Variants in MUC6 observed in about 807,000 individuals in gnomAD.
MUC6 encodes the protein mucin 6, oligomeric mucus/gel-forming (gene/pseudogene), also known as mucin-6.
A neutral mutation model predicts 201.5 loss-of-function variants in MUC6; 188 were observed. The ratio of observed to expected loss-of-function variants is 0.93; its 90% confidence interval spans 0.83 to 1.05. MUC6 has a LOEUF of 1.05. MUC6 is among the 50% of genes least tolerant of loss of function. The pLI is 0.00. For missense variants in MUC6, 2,706 were observed against 3,256.9 expected, an observed-to-expected ratio of 0.83 and a Z score of 4.12; for synonymous variants, 1,228 against 1,389.4, an observed-to-expected ratio of 0.88 and a Z score of 2.58.
chr11:1,035,935 G>C (rs558365202), intron 1 of MUC6, among the ~76,000 whole-genome samples: 19 of 152,270 alleles, frequency 1.2e-4, no homozygotes, highest in African/African-American at 4.3e-4. Context: ...CCTTCTGGGG[G>C]CCTGGGGAGG....
rs748222224 is a variant in MUC6 at position 1,016,874 on chromosome 11, C to T, written c.5927G>A (p.Ser1976Asn). ...FTTHSPPTGS[S>N]PFSSTGPMTA... ...CATAGGACCTGTGGAAGAGAAGGGA[C>T]TGCTCCCTGTAGGTGGGGAGTGTGT... is the stretch of plus-strand genomic sequence containing the variant. The change falls in exon 31 of 33, where the codon AGT (serine) becomes AAT (asparagine). Residue 1976 changes from serine to asparagine, a missense_variant. Around this residue, in one of 10 missense-constraint regions of MUC6, gnomAD observed 20 missense variants for 128.3 expected, o/e 0.16. Transcript: ENST00000421673. 1 of 1,614,072 alleles carries T rather than the reference C, an allele frequency of 6.2e-7. No homozygotes were observed.
intron 7 of MUC6, 35 bp from the exon 8 acceptor site, chr11:1,030,370 A>ACCCCCCCCCCCCCCCCCCCCCCCCCCCC: frequency 1.0e-6 from 1 of 992,832 alleles, no homozygotes; most frequent in South Asian, 1.8e-5. Flanking sequence ...AGAGGGTCCC[A>ACCCCCCCCCCCCCCCCCCCCCCCCCCCC]CCCCCCCCAC....
chr11:1,030,815 C>T, intron 6 of MUC6, 35 bp from the exon 7 acceptor site: 1 of 1,530,366 alleles, frequency 6.5e-7, no homozygotes, highest in Non-Finnish European at 8.8e-7. Flanking sequence ...GGGGCAAAGG[C>T]CACACCCCAT....
intron 31 of MUC6, 54 bp from the exon 32 acceptor site, chr11:1,014,055 G>T (rs751174703): frequency 4.7e-6 from 7 of 1,482,154 alleles, no homozygotes; most frequent in Non-Finnish European, 6.4e-6. Flanking sequence ...GAGCGAGGAG[G>T]GAGGGAAACC....
rs778465385 is a variant in MUC6 at position 1,017,665 on chromosome 11, G to C, written c.5136C>G (p.Thr1712=). The C allele has an allele frequency of 6.6e-7, 1 of 1,512,140 alleles. No homozygotes were observed. The highest frequency in any genetic ancestry group is 8.9e-7 in the Non-Finnish European group (1 of 1,123,188). The allele number at this position is 1,512,140 out of a possible 1,614,324, so 93.7% of individuals were successfully genotyped here. ...HHAEATSTST[T]NITPNPTSTG... ...TACTGGTGGGGTTGGGGGTGATGTT[G>C]GTGGTAGAAGTTGAGGTGGCTTCAG... Residue 1712 remains threonine, a synonymous_variant, in exon 31 of 33, where the codon ACC becomes ACG. Transcript: ENST00000421673.
rs764106113 is a variant in MUC6, at chr11:1,016,236, T to C, written c.6565A>G (p.Thr2189Ala). The change falls in exon 31 of 33, where the codon ACT becomes GCT. Residue 2189 changes from threonine (T) to alanine (A), a missense_variant. By Grantham distance (58) the Thr-to-Ala change is moderately conservative (BLOSUM62 0). Around this residue, in one of 10 missense-constraint regions of MUC6, gnomAD observed 586 missense variants for 488.0 expected, o/e 1.20. Transcript: ENST00000421673. ...AGAGGAGATGCAGACACTGATGCAG[T>C]CGTGGGATGAGTGGACAATGAGGAG... is the stretch of plus-strand genomic sequence containing the variant. ...SHSSLSTHPT[T>A]ASVSASPLFP... 6 of 1,613,018 alleles carry C rather than the reference T, an allele frequency of 3.7e-6. No homozygotes were observed. The highest frequency in any genetic ancestry group is 5.1e-6 in the Non-Finnish European group (6 of 1,179,694).
At position 1,030,343 on chromosome 11, in the gene MUC6, C is replaced by G. The variant is rs1166198706; in HGVS notation, c.893-8G>C. ...CCGGGCACTGACCCACGGCTGTGGG[C>G]ACACGCGGCTCCGGTGAGAGGGTCC... On this transcript the variant is annotated splice_polypyrimidine_tract_variant and splice_region_variant and intron_variant, in intron 7 of 32. Transcript: ENST00000421673. 6.5e-7 allele frequency: 1 copy of G among 1,547,078 alleles called. No individual in the cohort carries two copies. Among genetic ancestry groups the G allele is most frequent in the Non-Finnish European group, 8.7e-7 (1 of 1,146,384 alleles).
chr11:1,035,088 C>T (rs1857188403), intron 1 of MUC6, among the ~76,000 whole-genome samples: 1 of 152,072 alleles, frequency 6.6e-6, no homozygotes, highest in Non-Finnish European at 1.5e-5. Flanking sequence ...GCACGCTTGG[C>T]GGCCGCCCAC....
rs1278606443 is a variant in MUC6 at position 1,013,500 on chromosome 11, C to T, written c.7276G>A (p.Val2426Met). 13 of 1,583,998 alleles carry T rather than the reference C, an allele frequency of 8.2e-6. No individual in the cohort carries two copies. Among genetic ancestry groups the T allele is most frequent in the Non-Finnish European group, 1.1e-5 (13 of 1,166,744 alleles). ...GAGCTGCACACGCAGTGGCTGAACA[C>T]CTGCAGGGTGAGTACGAGCCGCCGG... ...PGRRLVLTLQ[V>M]FSHCVCSSVA... Residue 2426 changes from valine to methionine, a missense_variant, in exon 33 of 33, where the codon GTG becomes ATG. Around this residue, in one of 10 missense-constraint regions of MUC6, gnomAD observed 586 missense variants for 488.0 expected, o/e 1.20. Transcript: ENST00000421673.
At chr11:1,036,091 C>T (rs1051584023) in intron 1 of MUC6, among the ~76,000 whole-genome samples, 15 of 152,082 alleles carry the variant, frequency 9.9e-5, no homozygotes, top group East Asian at 5.8e-4. Flanking sequence ...CCAGGATGGC[C>T]GTACACCTTC....
chr11:1,028,852 A>C (rs1455327867), intron 12 of MUC6, 37 bp downstream of exon 12: 1 of 1,610,382 alleles, frequency 6.2e-7, no homozygotes, highest in Non-Finnish European at 8.5e-7. Flanking sequence ...CCCCGAAGGC[A>C]CAACTCTGGG....
rs756760623 is a variant in MUC6, at chr11:1,025,772, TC to T, written c.2799+32del. 145 of 1,577,030 alleles carry T rather than the reference TC, an allele frequency of 9.2e-5. 1 individual carries two copies. The highest frequency in any genetic ancestry group is 3.1e-4 in the Admixed American group (18 of 57,606). On this transcript the variant is annotated intron_variant, in intron 22 of 32. Coordinates refer to ENST00000421673, the MANE Select transcript of MUC6 (RefSeq NM_005961.3). ...GTGTGGCAGGGCCCCCTACCGCCCG[TC>T]CTGCCCTGCCAGAGTCTGCCCGGCT...
chr11:1,025,850 C>G lies in MUC6; in HGVS notation c.2754G>C (p.Gly918=), dbSNP rs747391503. ...FKILTENVIC[G]NSGVTCSRAI... is the part of the protein sequence containing the mutation. ...CCCGTGAGCATGTGACCCCGGAGTTCCCACAGATGACGTTCTCTGTCAGGA... is the reference window on the plus strand; with the variant it reads ...CCCGTGAGCATGTGACCCCGGAGTTGCCACAGATGACGTTCTCTGTCAGGA... Residue 918 remains glycine (G), a synonymous_variant, in exon 22 of 33, where the codon GGG becomes GGC. Transcript: ENST00000421673. 4 of 1,612,892 alleles carry G rather than the reference C, an allele frequency of 2.5e-6. No individual in the cohort carries two copies. In the East Asian group the frequency reaches 6.7e-5, roughly 27 times the overall value.
chr11:1,019,339 C>T lies in MUC6; in HGVS notation c.3966G>A (p.Gln1322=). The stretch of plus-strand genomic sequence containing the variant: ...GTGTCATTGTGGTCCGTGTTGTGGA[C>T]TGAGCTGTGGACGTCGTGGCTGGGC... The part of the protein sequence containing the change: ...TASPATTSTA[Q]STTRTTMTLP... The change falls in exon 30 of 33, where the codon CAG becomes CAA. Residue 1322 remains glutamine, a synonymous_variant. Transcript: ENST00000421673. 1 of 1,613,860 alleles carries T rather than the reference C, an allele frequency of 6.2e-7. No individual in the cohort carries two copies. The highest frequency in any genetic ancestry group is 1.1e-5 in the South Asian group (1 of 91,074).
chr11:1,013,800 T>TG, intron 32 of MUC6, 99 bp downstream of exon 32: 1 of 1,413,192 alleles, frequency 7.1e-7, no homozygotes, highest in Non-Finnish European at 9.7e-7. Flanking sequence ...GCTCACCTGA[T>TG]GGGGCAGCAG....
rs1856525871 is a variant in MUC6, at chr11:1,013,489, G to A, written c.7287C>T (p.His2429=). ...CACAGGCCACAGAGCTGCACACGCA[G>A]TGGCTGAACACCTGCAGGGTGAGTA... The part of the protein sequence containing the change: ...RLVLTLQVFS[H]CVCSSVACGD The change falls in exon 33 of 33, where the codon CAC becomes CAT. Residue 2429 remains histidine (H), a synonymous_variant. Coordinates refer to ENST00000421673, the MANE Select transcript of MUC6 (RefSeq NM_005961.3). The A allele has an allele frequency of 6.3e-7, 1 of 1,585,826 alleles. No individual in the cohort carries two copies. The highest frequency in any genetic ancestry group is 1.2e-5 in the South Asian group (1 of 86,768).
intron 26 of MUC6, 130 bp downstream of exon 26, chr11:1,023,379 T>C: frequency 4.1e-6 from 5 of 1,221,010 alleles, no homozygotes; most frequent in Non-Finnish European, 5.7e-6. Context: ...TGTGTGCAAA[T>C]TAATGAATGT....
At chr11:1,024,621 T>C (rs2133826667) in intron 24 of MUC6, among the ~76,000 whole-genome samples, 1 of 152,298 alleles carries the variant, frequency 6.6e-6, no homozygotes. Flanking sequence ...TATTGGCATC[T>C]GGTGGGTGGA....
In MUC6 at chr11:1,026,451, C is replaced by T. The variant is rs925411726; in HGVS notation, c.2422G>A (p.Val808Ile). 6.2e-7 allele frequency: 1 copy of T among 1,603,066 alleles called. No homozygotes were observed. Among genetic ancestry groups the T allele is most frequent in the African/African-American group, 1.3e-5 (1 of 74,428 alleles). ...CVPTKCEPGC[V>I]CAEGLYENAD... is the part of the protein sequence containing the mutation. ...TTCTCGTAGAGGCCCTCGGCGCAGA[C>T]ACAGCCAGGCTCACACTTGGTGGGC... The change falls in exon 20 of 33, where the codon GTC (valine) becomes ATC (isoleucine). Residue 808 changes from valine (V) to isoleucine (I), a missense_variant. Physicochemically the swap from Val to Ile is conservative, Grantham distance 29 (BLOSUM62 3). This residue lies in a region of MUC6 where 1,850 missense variants were observed against 1,958.3 expected (regional missense o/e 0.94). Transcript: ENST00000421673.
Sources: allele counts gnomAD v4.1 joint callset (sites outside exome capture counted in the v4.1 genomes callset), GRCh38; gene constraint gnomAD v4.1.1; regional missense constraint gnomAD v4.1.1; transcripts MANE v1.5; gene names NCBI Gene and HGNC (gene_info 2026-07-23, HGNC 2026-07-21).